CRKL: variants seen among roughly 807,000 people sequenced by gnomAD.
CRKL encodes crk-like protein.
CRKL carries 3 observed loss-of-function variants against 23.0 expected under a neutral mutation model. The observed-to-expected ratio is 0.13, with a 90% confidence interval of 0.06 to 0.34. The LOEUF (loss-of-function observed/expected upper bound fraction) is 0.34, where lower values mean the gene tolerates loss of function less well. Ranked by LOEUF, CRKL falls within the 10% of genes least tolerant of loss-of-function variation. CRKL has a pLI of 1.00. For synonymous variants in CRKL, 188 were observed against 160.7 expected, an observed-to-expected ratio of 1.17 and a Z score of -1.28; for missense variants, 256 against 394.5, an observed-to-expected ratio of 0.65 and a Z score of 2.97.
At chr22:20,946,286 C>T (rs1256505333) in intron 2 of CRKL, among the ~76,000 whole-genome samples, 1 of 152,130 alleles carries the variant, frequency 6.6e-6, no homozygotes, top group Non-Finnish European at 1.5e-5. Flanking sequence ...GAGTCATTTC[C>T]TGGACAACAC....
At chr22:20,922,349 G>A (rs1249397571) in intron 1 of CRKL, among the ~76,000 whole-genome samples, 1 of 151,926 alleles carries the variant, frequency 6.6e-6, no homozygotes, top group Admixed American at 6.6e-5. Flanking sequence ...AGGAGAAAGG[G>A]GGACATATAA....
chr22:20,945,599 A>G (rs1922029839), intron 2 of CRKL, among the ~76,000 whole-genome samples: 1 of 152,204 alleles, frequency 6.6e-6, no homozygotes, highest in South Asian at 2.1e-4. Context: ...AGTCTTCAGT[A>G]TTAAAACCCT....
chr22:20,932,803 G>A (rs774613232), intron 1 of CRKL, among the ~76,000 whole-genome samples: 3 of 152,122 alleles, frequency 2.0e-5, no homozygotes, highest in African/African-American at 4.8e-5. Flanking sequence ...AAAGCCAGGC[G>A]TGGTGGCTCA....
At chr22:20,927,735 T>G (rs979271914) in intron 1 of CRKL, among the ~76,000 whole-genome samples, 45 of 140,064 alleles carry the variant, frequency 3.2e-4, no homozygotes, top group African/African-American at 1.2e-3. Context: ...CCCAGCTACT[T>G]GGGACGCTGA....
At chr22:20,935,627 A>G (rs1921630587) in intron 2 of CRKL, among the ~76,000 whole-genome samples, 1 of 151,564 alleles carries the variant, frequency 6.6e-6, no homozygotes, top group Admixed American at 6.6e-5. Context: ...CCTGAGTTCA[A>G]GTGATTCTCC....
intron 2 of CRKL, among the ~76,000 whole-genome samples, chr22:20,945,277 G>A (rs919086820): frequency 6.6e-6 from 1 of 152,184 alleles, no homozygotes; most frequent in African/African-American, 2.4e-5. Context: ...ACAGGCATGA[G>A]CCACCGCACC....
chr22:20,942,723 C>T (rs529631697), intron 2 of CRKL, among the ~76,000 whole-genome samples: 4 of 152,088 alleles, frequency 2.6e-5, no homozygotes, highest in South Asian at 2.1e-4. Flanking sequence ...TGGGTTCAAG[C>T]GATTTCTCCT....
intron 2 of CRKL, among the ~76,000 whole-genome samples, chr22:20,938,520 A>G (rs926704806): frequency 1.3e-5 from 2 of 152,178 alleles, no homozygotes; most frequent in East Asian, 1.9e-4. Context: ...GGCTGTTGCC[A>G]TATCACGAAG....
intron 1 of CRKL, among the ~76,000 whole-genome samples, chr22:20,921,927 C>A (rs1346388483): frequency 6.7e-6 from 1 of 149,738 alleles, no homozygotes; most frequent in Non-Finnish European, 1.5e-5. Flanking sequence ...CCAGGATAGT[C>A]TCGATCTCCT....
At chr22:20,946,718 C>A (rs9625149) in intron 2 of CRKL, among the ~76,000 whole-genome samples, 5 of 72,688 alleles carry the variant, frequency 6.9e-5, no homozygotes, top group East Asian at 1.3e-3. Flanking sequence ...GAGCACCCCT[C>A]CCTCCAAAAA....
chr22:20,928,775 T>C (rs1921323477), intron 1 of CRKL, among the ~76,000 whole-genome samples: 1 of 129,672 alleles, frequency 7.7e-6, no homozygotes, highest in Admixed American at 9.8e-5. Context: ...ATTGTGCCTC[T>C]GCACTCTAGC....
Position 20,950,014 on chromosome 22 carries a change from G to C in CRKL, c.*169G>C. 2 of 820,410 alleles carry C rather than the reference G, an allele frequency of 2.4e-6. No homozygotes were observed. Among genetic ancestry groups the C allele is most frequent in the Non-Finnish European group, 3.7e-6 (2 of 545,220 alleles). The allele number at this position is 820,410 out of a possible 1,614,324, so 50.8% of individuals were successfully genotyped here. On this transcript the variant is annotated 3_prime_UTR_variant, in exon 3 of 3. Transcript: ENST00000354336. ...GGAATGCACACAGCGGCTGCCTCCT[G>C]ATGTTTGTATCATAGTCGTATTGTC...
At chr22:20,925,932 T>G (rs1329176793) in intron 1 of CRKL, among the ~76,000 whole-genome samples, 1 of 152,162 alleles carries the variant, frequency 6.6e-6, no homozygotes, top group Non-Finnish European at 1.5e-5. Context: ...GTAAACCATG[T>G]TTTTGTTTTT....
At position 20,917,919 on chromosome 22, in the gene CRKL, T is replaced by C. The variant is rs758722277; in HGVS notation, c.-16T>C. On this transcript the variant is annotated 5_prime_UTR_variant, in exon 1 of 3. Transcript: ENST00000354336. ...AGCCGCCGCCCCTACCGCCGCAGAG[T>C]CCCCGGTCCAACACCATGTCCTCCG... 3 of 1,608,230 alleles carry C rather than the reference T, an allele frequency of 1.9e-6. No individual in the cohort carries two copies. The African/African-American group carries it at 4.0e-5, about 22-fold the overall frequency.
rs561241870 is a variant in CRKL, at chr22:20,934,720, A to C, written c.777+476A>C. ...CATGACCTAGAGGCAAAATCAACAT[A>C]TATGGTTCTGTATTTCTAACATTGG... On this transcript the variant is annotated intron_variant, in intron 2 of 2. Transcript: ENST00000354336. 5.9e-5 allele frequency among the ~76,000 whole-genome samples: 9 copies of C among 151,566 alleles called. 1 individual carries two copies. The highest frequency in any genetic ancestry group is 2.2e-4 in the African/African-American group (9 of 41,296).
At chr22:20,935,134 A>C (rs1362518304) in intron 2 of CRKL, among the ~76,000 whole-genome samples, 1 of 150,834 alleles carries the variant, frequency 6.6e-6, no homozygotes, top group Non-Finnish European at 1.5e-5. Context: ...TTTTTTTGAG[A>C]TGGAGTCTTA....
intron 1 of CRKL, among the ~76,000 whole-genome samples, chr22:20,920,417 G>T (rs556307811): frequency 2.8e-4 from 42 of 151,932 alleles, no homozygotes; most frequent in African/African-American, 9.9e-4. Flanking sequence ...CAGGAGAATC[G>T]CTCGAACCCG....
Position 20,934,172 on chromosome 22 carries a change from T to C in CRKL, c.705T>C (p.Asn235=). 1.2e-6 allele frequency: 2 copies of C among 1,614,224 alleles called. No individual in the cohort carries two copies. Among genetic ancestry groups the C allele is most frequent in the Middle Eastern group, 1.6e-4 (1 of 6,062 alleles). ...TCACCCCTTTGCCATCCACACAGAA[T>C]GGACCTGTCTTTGCGAAAGCAATCC... ...AAITPLPSTQ[N]GPVFAKAIQK... The change falls in exon 2 of 3, where the codon AAT becomes AAC. Residue 235 remains asparagine (N), a synonymous_variant. Coordinates refer to ENST00000354336, the MANE Select transcript of CRKL (RefSeq NM_005207.4).
chr22:20,921,350 T>G (rs1360533057), intron 1 of CRKL, among the ~76,000 whole-genome samples: 1 of 152,212 alleles, frequency 6.6e-6, no homozygotes, highest in African/African-American at 2.4e-5. Context: ...AATTTTTAAT[T>G]TTATATTTTT....
Sources: gnomAD v4.1 joint callset for allele counts (sites outside exome capture counted in the v4.1 genomes callset) on GRCh38, gnomAD v4.1.1 for gene constraint, MANE v1.5 for transcripts, NCBI Gene and HGNC (gene_info 2026-07-23, HGNC 2026-07-21) for gene names.